The following CCL23 variants were observed in gnomAD, a reference collection of about 807,000 sequenced individuals.
CCL23 encodes the protein C-C motif chemokine 23.
A neutral mutation model predicts 11.8 loss-of-function variants in CCL23; 10 were observed. The ratio of observed to expected loss-of-function variants is 0.84; its 90% CI spans 0.52 to 1.43. The LOEUF (loss-of-function observed/expected upper bound fraction) is 1.43. Ranked by LOEUF, CCL23 falls within the 40% of genes most tolerant of loss-of-function variation. The pLI, the probability that CCL23 is intolerant of heterozygous loss-of-function variation, is 0.00. For missense variants in CCL23, 181 were observed against 170.9 expected, an observed-to-expected ratio of 1.06 and a Z score of -0.33; for synonymous variants, 60 against 61.0, an observed-to-expected ratio of 0.98 and a Z score of 0.07.
At chr17:36,014,977 G>A (rs1021271523) in intron 1 of CCL23, among the ~76,000 whole-genome samples, 2 of 151,488 alleles carry the variant, frequency 1.3e-5, no homozygotes, top group Non-Finnish European at 2.9e-5. Context: ...TATATATAAC[G>A]TAAAATTTGC....
chr17:36,016,582 A>G (rs2090099356), intron 1 of CCL23, among the ~76,000 whole-genome samples: 2 of 152,054 alleles, frequency 1.3e-5, no homozygotes. Context: ...ATTGATGGGC[A>G]TTTGGGTTGG....
At chr17:36,016,279 C>G (rs2090097264) in intron 1 of CCL23, among the ~76,000 whole-genome samples, 1 of 151,992 alleles carries the variant, frequency 6.6e-6, no homozygotes. Flanking sequence ...TCATCTAGGG[C>G]TGCTGCATGC....
chr17:36,014,545 T>A, intron 1 of CCL23, 152 bp from the exon 2 acceptor site: 1 of 647,112 alleles, frequency 1.5e-6, no homozygotes, highest in Non-Finnish European at 2.8e-6. Context: ...GCCTGACTCC[T>A]GGCCCATTTA....
intron 1 of CCL23, among the ~76,000 whole-genome samples, chr17:36,015,760 G>T (rs1208245832): frequency 6.6e-6 from 1 of 152,156 alleles, no homozygotes; most frequent in African/African-American, 2.4e-5. Context: ...AATTTGGCCG[G>T]GTGCGGTGGC....
Position 36,013,260 on chromosome 17 carries a change from C to A in CCL23, c.351G>T (p.Lys117Asn), listed in dbSNP as rs1287581620. The A allele has an allele frequency of 6.2e-7, 1 of 1,613,972 alleles. No homozygotes were observed. The highest frequency in any genetic ancestry group is 1.1e-5 in the South Asian group (1 of 91,058). The change falls in exon 4 of 4, where the codon AAG becomes AAT. Residue 117 changes from lysine to asparagine, a missense_variant. Lys to Asn is a moderately conservative substitution (Grantham distance 94, BLOSUM62 0). Coordinates refer to ENST00000615050, the MANE Select transcript of CCL23 (RefSeq NM_005064.6). ...GCATTCTCATGCAAACCTGAACTTG[C>A]TTATCACTGGGGTTGGCACAGAAAC... ...GRRFCANPSD[K>N]QVQVCMRMLK...
intron 1 of CCL23, among the ~76,000 whole-genome samples, chr17:36,014,732 G>A (rs1440781897): frequency 1.3e-5 from 2 of 152,210 alleles, no homozygotes; most frequent in Non-Finnish European, 2.9e-5. Flanking sequence ...AATCCACAGG[G>A]CTCTGGAAAC....
At position 36,013,221 on chromosome 17, in the gene CCL23, T is replaced by C. The variant is rs772773990; in HGVS notation, c.390A>G (p.Thr130=). The C allele has an allele frequency of 6.2e-7, 1 of 1,612,382 alleles. No individual in the cohort carries two copies. Among genetic ancestry groups the C allele is most frequent in the East Asian group, 2.2e-5 (1 of 44,880 alleles). The part of the protein sequence containing the change: ...QVCMRMLKLD[T]RIKTRKN ...TTCAATTCTTCCTGGTCTTGATCCG[T>C]GTGTCCAGCTTCAGCATTCTCATGC... The change falls in exon 4 of 4, where the codon ACA becomes ACG. Residue 130 remains threonine, a synonymous_variant. Coordinates refer to ENST00000615050, the MANE Select transcript of CCL23 (RefSeq NM_005064.6).
intron 2 of CCL23, 60 bp from the exon 3 acceptor site, chr17:36,013,969 C>A: frequency 1.3e-6 from 2 of 1,520,118 alleles, no homozygotes; most frequent in South Asian, 1.1e-5. Context: ...GTGACCAGCA[C>A]TTGCTGGCAT....
At chr17:36,017,738 AG>A in intron 1 of CCL23, 83 bp downstream of exon 1, 1 of 1,195,176 alleles carries the variant, frequency 8.4e-7, no homozygotes, top group Non-Finnish European at 1.2e-6. Flanking sequence ...GATGGAGAGT[AG>A]TTACAGGAGG....
chr17:36,013,425 T>C, intron 3 of CCL23, 117 bp from the exon 4 acceptor site: 2 of 572,252 alleles, frequency 3.5e-6, no homozygotes, highest in Non-Finnish European at 3.0e-6. Flanking sequence ...TTTTTTTTTC[T>C]TTTTTTTTTC....
chr17:36,013,826 A>T lies in CCL23; in HGVS notation c.220T>A (p.Ser74Thr), dbSNP rs151273610. ...FHATSADCCISYTPRSIPCSL... is the reference protein window; with the variant it reads ...FHATSADCCITYTPRSIPCSL... ...CACGGGATGCTTCGTGGGGTGTAGG[A>T]GATGCAGCAGTCAGCACTAGTAGCA... is the stretch of plus-strand genomic sequence containing the variant. The change falls in exon 3 of 4, where the codon TCC (serine) becomes ACC (threonine). Residue 74 changes from serine (S) to threonine (T), a missense_variant. Physicochemically the swap from Ser to Thr is moderately conservative, Grantham distance 58 (BLOSUM62 1). Transcript: ENST00000615050. 1.8e-4 allele frequency: 285 copies of T among 1,614,022 alleles called. No homozygotes were observed. Among genetic ancestry groups the T allele is most frequent in the Non-Finnish European group, 2.3e-4 (271 of 1,179,976 alleles).
In CCL23 at chr17:36,013,286, G is replaced by A. The variant is rs369008680; in HGVS notation, c.325C>T (p.Arg109Cys). 18 of 1,613,270 alleles carry A rather than the reference G, an allele frequency of 1.1e-5. No homozygotes were observed. The highest frequency in any genetic ancestry group is 8.0e-5 in the African/African-American group (6 of 74,874). ...GVIFLTKKGR[R>C]FCANPSDKQV... Reference sequence around the variant, plus strand: ...TTATCACTGGGGTTGGCACAGAAACGTCGCCCCTTCTTGGTGAGGAAGCTA... The same window carrying A: ...TTATCACTGGGGTTGGCACAGAAACATCGCCCCTTCTTGGTGAGGAAGCTA... The change falls in exon 4 of 4, where the codon CGT becomes TGT. Residue 109 changes from arginine to cysteine, a missense_variant. Coordinates refer to ENST00000615050, the MANE Select transcript of CCL23 (RefSeq NM_005064.6).
At chr17:36,016,334 C>G (rs1325360454) in intron 1 of CCL23, among the ~76,000 whole-genome samples, 2 of 152,160 alleles carry the variant, frequency 1.3e-5, no homozygotes, top group East Asian at 1.9e-4. Context: ...ACCCTCCACT[C>G]CCCGATAGGC....
chr17:36,015,018 T>A (rs904174836), intron 1 of CCL23, among the ~76,000 whole-genome samples: 1 of 152,188 alleles, frequency 6.6e-6, no homozygotes, highest in Non-Finnish European at 1.5e-5. Flanking sequence ...TACAGTTCAA[T>A]AGCATCAAAT....
chr17:36,013,886 G>C lies in CCL23; in HGVS notation c.160C>G (p.Pro54Ala), dbSNP rs892946430. 2.5e-6 allele frequency: 4 copies of C among 1,614,090 alleles called. No individual in the cohort carries two copies. In the African/African-American group the frequency reaches 4.0e-5, roughly 16 times the overall value. ...LDMLWRRKIG[P>A]QMTLSHAAGF... ...GCAGCATGAGAAAGGGTCATCTGAG[G>C]ACCAATCTTTCTCCTCCAGAGCACT... is the stretch of plus-strand genomic sequence containing the variant. Residue 54 changes from proline (P) to alanine (A), a missense_variant, in exon 3 of 4, where the codon CCT (proline) becomes GCT (alanine). Coordinates refer to ENST00000615050, the MANE Select transcript of CCL23 (RefSeq NM_005064.6).
At chr17:36,015,481 A>G (rs1238026094) in intron 1 of CCL23, among the ~76,000 whole-genome samples, 10 of 152,314 alleles carry the variant, frequency 6.6e-5, no homozygotes, top group African/African-American at 2.4e-4. Context: ...ATAAAAATCA[A>G]TTCATGTACC....
Position 36,013,730 on chromosome 17 carries a change from A to G in CCL23, c.302+14T>C, listed in dbSNP as rs1472141494. The G allele has an allele frequency of 6.2e-7, 1 of 1,613,748 alleles. No individual in the cohort carries two copies. The highest frequency in any genetic ancestry group is 2.2e-5 in the East Asian group (1 of 44,858). On this transcript the variant is annotated intron_variant, in intron 3 of 3. Transcript: ENST00000615050. ...CTTCTCCCTCAACACATGTTTGGTG[A>G]GCTTGGCACCTACATGACACCCGGC...
At chr17:36,014,952 G>A (rs1227754734) in intron 1 of CCL23, among the ~76,000 whole-genome samples, 2 of 119,738 alleles carry the variant, frequency 1.7e-5, no homozygotes, top group Non-Finnish European at 3.1e-5. Context: ...TTTTTAAATC[G>A]TGGTTATATA....
Position 36,017,795 on chromosome 17 carries a change from A to T in CCL23, c.76+27T>A. ...AGCTTGAGTTACCATGAACCTGGTC[A>T]TCTGAGAGAAAGCTCACTGGACTCA... On this transcript the variant is annotated intron_variant, in intron 1 of 3. Coordinates refer to ENST00000615050, the MANE Select transcript of CCL23 (RefSeq NM_005064.6). 5 of 1,609,134 alleles carry T rather than the reference A, an allele frequency of 3.1e-6. No homozygotes were observed. In the Middle Eastern group the frequency reaches 6.6e-4, roughly 213 times the overall value.
Sources: gnomAD v4.1 joint callset for allele counts (sites outside exome capture counted in the v4.1 genomes callset) on GRCh38, gnomAD v4.1.1 for gene constraint, MANE v1.5 for transcripts, NCBI Gene and HGNC (gene_info 2026-07-23, HGNC 2026-07-21) for gene names.